Variants in DNM3 observed in about 807,000 individuals in gnomAD.
DNM3 encodes dynamin-3.
A neutral mutation model predicts 101.6 loss-of-function variants in DNM3; 47 were observed. The observed-to-expected ratio is 0.46, with a 90% CI of 0.37 to 0.59. DNM3 has a LOEUF of 0.59. DNM3 is among the 20% of genes least tolerant of loss of function. DNM3 has a pLI of 0.00. For missense variants in DNM3, 849 were observed against 1,085.7 expected, an observed-to-expected ratio of 0.78 and a Z score of 3.06; for synonymous variants, 385 against 387.9, an observed-to-expected ratio of 0.99 and a Z score of 0.09.
At chr1:172,217,285 C>T (rs2060736285) in intron 14 of DNM3, among the ~76,000 whole-genome samples, 1 of 152,126 alleles carries the variant, frequency 6.6e-6, no homozygotes, top group African/African-American at 2.4e-5. Flanking sequence ...CTGCTGGTCC[C>T]TGTCCCTTTG....
intron 7 of DNM3, among the ~76,000 whole-genome samples, chr1:172,038,946 T>TC (rs2049161044): frequency 6.6e-6 from 1 of 151,934 alleles, no homozygotes; most frequent in African/African-American, 2.4e-5. Context: ...GTTTTTTTTT[T>TC]TCCTTTTACA....
intron 10 of DNM3, among the ~76,000 whole-genome samples, chr1:172,056,175 C>A (rs962309917): frequency 6.6e-6 from 1 of 152,240 alleles, no homozygotes; most frequent in African/African-American, 2.4e-5. Flanking sequence ...TATCCCGCAC[C>A]TGGCTCAGAG....
chr1:171,969,026 T>G (rs1276588485), intron 2 of DNM3, among the ~76,000 whole-genome samples: 1 of 152,192 alleles, frequency 6.6e-6, no homozygotes, highest in Non-Finnish European at 1.5e-5. Context: ...CTATAATAAC[T>G]GTTATCATTA....
At chr1:171,920,921 C>T (rs1289482804) in intron 1 of DNM3, among the ~76,000 whole-genome samples, 1 of 152,112 alleles carries the variant, frequency 6.6e-6, no homozygotes, top group Non-Finnish European at 1.5e-5. Flanking sequence ...CTTGATCCCA[C>T]ATTTTATGTG....
intron 13 of DNM3, among the ~76,000 whole-genome samples, chr1:172,119,486 C>T (rs1356251677): frequency 1.3e-5 from 2 of 152,096 alleles, no homozygotes; most frequent in African/African-American, 4.8e-5. Flanking sequence ...TTCTCTCTCT[C>T]TTCTAGCCCC....
chr1:172,246,572 T>C (rs1409724548), intron 14 of DNM3, among the ~76,000 whole-genome samples: 1 of 152,092 alleles, frequency 6.6e-6, no homozygotes, highest in Non-Finnish European at 1.5e-5. Flanking sequence ...GTGGAAGAGA[T>C]AGTTTAGTCA....
chr1:172,272,004 T>G (rs1283820078), intron 15 of DNM3, among the ~76,000 whole-genome samples: 2 of 152,130 alleles, frequency 1.3e-5, no homozygotes, highest in Non-Finnish European at 2.9e-5. Flanking sequence ...TAGTGTCAGT[T>G]GTTTTCCTTT....
At chr1:171,989,507 A>G (rs1412584911) in intron 4 of DNM3, among the ~76,000 whole-genome samples, 1 of 152,132 alleles carries the variant, frequency 6.6e-6, no homozygotes, top group Non-Finnish European at 1.5e-5. Context: ...AATTATTATG[A>G]GTTACCTGCA....
chr1:172,308,597 G>T, intron 15 of DNM3, 131 bp from the exon 16 acceptor site: 87 of 412,980 alleles, frequency 2.1e-4, no homozygotes, highest in East Asian at 4.1e-4. Flanking sequence ...AGTTGTTTTT[G>T]TTTTCCTTCA....
intron 14 of DNM3, among the ~76,000 whole-genome samples, chr1:172,169,257 T>A (rs953914476): frequency 6.6e-6 from 1 of 151,926 alleles, no homozygotes; most frequent in African/African-American, 2.4e-5. Flanking sequence ...TGAGCTGAGT[T>A]TGGGTACTCT....
chr1:172,355,637 C>A (rs906602192), intron 17 of DNM3, among the ~76,000 whole-genome samples: 21 of 152,080 alleles, frequency 1.4e-4, no homozygotes, highest in Non-Finnish European at 2.8e-4. Flanking sequence ...ACGTAGTGAA[C>A]TGGAAAGAGA....
intron 1 of DNM3, among the ~76,000 whole-genome samples, chr1:171,892,941 G>A (rs1165631396): frequency 2.6e-5 from 4 of 151,628 alleles, no homozygotes; most frequent in Non-Finnish European, 5.9e-5. Flanking sequence ...TTGCCCACGG[G>A]TCACCTCCTG....
intron 14 of DNM3, among the ~76,000 whole-genome samples, chr1:172,225,001 G>A (rs757320767): frequency 1.3e-5 from 2 of 152,120 alleles, no homozygotes; most frequent in African/African-American, 4.8e-5. Flanking sequence ...AACAGGTTCA[G>A]AGAAGCGACA....
chr1:171,934,470 A>G (rs1179877418), intron 2 of DNM3, among the ~76,000 whole-genome samples: 2 of 152,222 alleles, frequency 1.3e-5, no homozygotes, highest in Non-Finnish European at 2.9e-5. Flanking sequence ...GTCAGCATAG[A>G]ATAAGTTAGT....
intron 1 of DNM3, among the ~76,000 whole-genome samples, chr1:171,865,515 C>CAAAAAAAAAAAAA (rs57826674): frequency 1.2e-5 from 1 of 80,664 alleles, no homozygotes; most frequent in African/African-American, 4.7e-5. Flanking sequence ...GATCCTGTCT[C>CAAAAAAAAAAAAA]AAAAAAAAAA....
intron 14 of DNM3, among the ~76,000 whole-genome samples, chr1:172,134,263 A>G (rs1362995999): frequency 6.6e-6 from 1 of 152,164 alleles, no homozygotes; most frequent in Non-Finnish European, 1.5e-5. Context: ...GAAACAAGAC[A>G]GGAAGTTCTC....
intron 14 of DNM3, among the ~76,000 whole-genome samples, chr1:172,231,089 C>G (rs1187774508): frequency 6.6e-6 from 1 of 151,754 alleles, no homozygotes; most frequent in African/African-American, 2.4e-5. Context: ...ATAGTTATGT[C>G]TCCAACTCTG....
At chr1:171,907,942 A>T (rs2038966576) in intron 1 of DNM3, among the ~76,000 whole-genome samples, 1 of 152,240 alleles carries the variant, frequency 6.6e-6, no homozygotes, top group African/African-American at 2.4e-5. Context: ...TTATAAGTAG[A>T]ATAGTAAAGA....
At chr1:172,156,548 C>T (rs1289287943) in intron 14 of DNM3, among the ~76,000 whole-genome samples, 1 of 152,012 alleles carries the variant, frequency 6.6e-6, no homozygotes, top group East Asian at 1.9e-4. Flanking sequence ...GGGTTCCCTA[C>T]TTTTTTTCGC....
Sources: gnomAD v4.1 joint callset for allele counts (sites outside exome capture counted in the v4.1 genomes callset) on GRCh38, gnomAD v4.1.1 for gene constraint, MANE v1.5 for transcripts, NCBI Gene and HGNC (gene_info 2026-07-23, HGNC 2026-07-21) for gene names.